RHBDF1: variants seen among roughly 807,000 people sequenced by gnomAD.
The protein encoded by RHBDF1 is rhomboid 5 homolog 1, also known as inactive rhomboid protein 1.
RHBDF1 carries 80 observed loss-of-function variants against 98.6 expected under a neutral mutation model. That is an observed-to-expected ratio of 0.81 (90% CI 0.68 to 0.98). The LOEUF (loss-of-function observed/expected upper bound fraction) is 0.98, where lower values mean the gene tolerates loss of function less well. RHBDF1 is among the 50% of genes least tolerant of loss of function. The pLI, the probability that RHBDF1 is intolerant of heterozygous loss-of-function variation, is 0.00. For synonymous variants in RHBDF1, 512 were observed against 486.8 expected (o/e 1.05, Z -0.68); for missense variants, 1,116 against 1,198.3 (o/e 0.93, Z 1.01).
chr16:63,308 T>G, intron 4 of RHBDF1, 126 bp from the exon 5 acceptor site: 2 of 807,470 alleles, frequency 2.5e-6, no homozygotes, highest in Non-Finnish European at 3.8e-6. Flanking sequence ...TGGACAGCTC[T>G]ATGGCCACCA....
chr16:66,241 A>C (rs144384177), intron 1 of RHBDF1, among the ~76,000 whole-genome samples: 36 of 152,204 alleles, frequency 2.4e-4, no homozygotes, highest in Non-Finnish European at 4.1e-4. Context: ...ACAGGCTCGG[A>C]GCCGCTGGGT....
upstream of RHBDF1, chr16:72,675 C>A (rs995962851): frequency 2.0e-6 from 2 of 980,704 alleles, no homozygotes; most frequent in Non-Finnish European, 2.4e-6. Flanking sequence ...CCGGCCGGAG[C>A]GGGGCGGTCG....
At chr16:60,409 G>A in intron 12 of RHBDF1, 30 bp downstream of exon 12, 1 of 1,605,016 alleles carries the variant, frequency 6.2e-7, no homozygotes, top group Non-Finnish European at 8.5e-7. Flanking sequence ...GTGGACAAAG[G>A]CAGGTGAGAG....
intron 1 of RHBDF1, among the ~76,000 whole-genome samples, chr16:68,366 CAAAG>C (rs904917622): frequency 2.0e-5 from 3 of 152,164 alleles, no homozygotes; most frequent in Non-Finnish European, 2.9e-5. Flanking sequence ...CCAGGCTGGA[CAAAG>C]AGTCTGGCCA....
Position 59,497 on chromosome 16 carries a change from A to G in RHBDF1, c.1818-3T>C. ...ACTCCCGGGAGGTGATCTCACACCT[A>G]GAAAGGCAGGCCAGGGTTCGGAGAC... On this transcript the variant is annotated splice_region_variant and splice_polypyrimidine_tract_variant and intron_variant, in intron 14 of 17. Transcript: ENST00000262316. 1 of 1,612,982 alleles carries G rather than the reference A, an allele frequency of 6.2e-7. No homozygotes were observed. Among genetic ancestry groups the G allele is most frequent in the Non-Finnish European group, 8.5e-7 (1 of 1,179,724 alleles).
At position 58,532 on chromosome 16, in the gene RHBDF1, A is replaced by G; in HGVS notation, c.2376T>C (p.Phe792=). 6.2e-7 allele frequency: 1 copy of G among 1,614,048 alleles called. No homozygotes were observed. The highest frequency in any genetic ancestry group is 2.2e-5 in the East Asian group (1 of 44,890). Residue 792 remains phenylalanine, a synonymous_variant, in exon 18 of 18, where the codon TTT becomes TTC. Coordinates refer to ENST00000262316, the MANE Select transcript of RHBDF1 (RefSeq NM_022450.5). ...GTTTCCGGTACAGGTCGAACTTGCC[A>G]AAGCTGATGTAGGGCAAGAAGGCGA... ...LSFAFLPYIS[F]GKFDLYRKRC...
chr16:67,118 C>T (rs906168290), intron 1 of RHBDF1, among the ~76,000 whole-genome samples: 14 of 152,280 alleles, frequency 9.2e-5, no homozygotes, highest in African/African-American at 2.9e-4. Flanking sequence ...TAAGGAATAG[C>T]CAGGAGGGGC....
At chr16:64,651 A>T (rs1380960472) in intron 3 of RHBDF1, 48 bp downstream of exon 3, 1 of 1,572,486 alleles carries the variant, frequency 6.4e-7, no homozygotes, top group African/African-American at 1.3e-5. Flanking sequence ...CCTCTGCCCC[A>T]CCAGCCCCCA....
In RHBDF1 at chr16:65,052, G is replaced by A. The variant is rs374508258; in HGVS notation, c.-24-13C>T. 5 of 1,494,120 alleles carry A rather than the reference G, an allele frequency of 3.3e-6. No individual in the cohort carries two copies. The highest frequency in any genetic ancestry group is 4.4e-6 in the Non-Finnish European group (5 of 1,125,950). The allele number at this position is 1,494,120 out of a possible 1,614,324, so 92.6% of individuals were successfully genotyped here. On this transcript the variant is annotated splice_polypyrimidine_tract_variant and intron_variant, in intron 1 of 17. Transcript: ENST00000262316. ...GAGCAAGGCAGGCCTGCGGGGCATG[G>A]TGTGTTATTCAATAATGACAAAGCT... is the stretch of plus-strand genomic sequence containing the variant.
Position 72,572 on chromosome 16 carries a change from G to C in RHBDF1, c.-84C>G, listed in dbSNP as rs1885454725. 1.2e-6 allele frequency: 1 copy of C among 833,932 alleles called. No homozygotes were observed. Among genetic ancestry groups the C allele is most frequent in the African/African-American group, 6.1e-5 (1 of 16,412 alleles). 51.7% of individuals were successfully genotyped at this position (833,932 alleles called of 1,614,324 possible). ...CGCCGGGGAGGAGGCTGCCGCCGCT[G>C]GCCGGGAGGGCCCGCGCCGAGTCCC... On this transcript the variant is annotated 5_prime_UTR_variant, in exon 1 of 18. Transcript: ENST00000262316.
chr16:60,503 G>T lies in RHBDF1; in HGVS notation c.1594C>A (p.Pro532Thr), dbSNP rs770881246. The T allele has an allele frequency of 1.2e-6, 2 of 1,611,034 alleles. No homozygotes were observed. Among genetic ancestry groups the T allele is most frequent in the Non-Finnish European group, 1.7e-6 (2 of 1,179,984 alleles). Residue 532 changes from proline (P) to threonine (T), a missense_variant, in exon 12 of 18, where the codon CCC becomes ACC. By Grantham distance (38) the Pro-to-Thr change is conservative. Transcript: ENST00000262316. ...LAVWVKWPIH[P>T]SAPELAGHKR... The stretch of plus-strand genomic sequence containing the variant: ...TGGCCCGCAAGCTCTGGGGCGCTGG[G>T]ATGGATGGGCCACTTCACCCACACT...
At position 70,327 on chromosome 16, in the gene RHBDF1, C is replaced by T. The variant is rs374734683; in HGVS notation, c.-25+2186G>A. Among the ~76,000 whole-genome samples the T allele has an allele frequency of 3.6e-4, 55 of 152,266 alleles. 2 individuals are homozygous for T. The South Asian group carries it at 0.01, about 29-fold the overall frequency. On this transcript the variant is annotated intron_variant, in intron 1 of 17. Coordinates refer to ENST00000262316, the MANE Select transcript of RHBDF1 (RefSeq NM_022450.5). ...TCCCCAGGCTGCAGGTGGGAGAGGC[C>T]CACATCCCCTGCACACGTCTGGCCA... is the stretch of plus-strand genomic sequence containing the variant.
upstream of RHBDF1, among the ~76,000 whole-genome samples, chr16:74,150 C>T (rs1898043849): frequency 6.6e-6 from 1 of 152,182 alleles, no homozygotes; most frequent in South Asian, 2.1e-4. Context: ...CCAGTGCCAA[C>T]ACTCAGTGCT....
rs1387293740 is a variant in RHBDF1, at chr16:58,400, G to C, written c.2508C>G (p.Thr836=). The C allele has an allele frequency of 6.2e-7, 1 of 1,613,814 alleles. No individual in the cohort carries two copies. Among genetic ancestry groups the C allele is most frequent in the East Asian group, 2.2e-5 (1 of 44,890 alleles). ...PVRCEWCEFL[T]CIPFTDKFCE... ...AGAACTTGTCAGTGAAGGGGATGCA[G>C]GTGAGGAACTCACACCACTCACAGC... The change falls in exon 18 of 18, where the codon ACC becomes ACG. Residue 836 remains threonine, a synonymous_variant. Transcript: ENST00000262316.
intron 14 of RHBDF1, 64 bp downstream of exon 14, chr16:59,668 G>T: frequency 6.3e-7 from 1 of 1,580,350 alleles, no homozygotes; most frequent in South Asian, 1.1e-5. Context: ...TTAGGGAGAA[G>T]GCACACCCTA....
chr16:59,084 G>T lies in RHBDF1; in HGVS notation c.2038C>A (p.Leu680Met). 6.2e-7 allele frequency: 1 copy of T among 1,613,628 alleles called. No homozygotes were observed. ...CCTGCCAGCTTCTCCAGGTCCCGCAGGACAGTCATCTGGAAGCAGATGGAC... is the reference window on the plus strand; with the variant it reads ...CCTGCCAGCTTCTCCAGGTCCCGCATGACAGTCATCTGGAAGCAGATGGAC... Reference protein sequence around the residue: ...LVSICFQMTVLRDLEKLAGWH... With the variant: ...LVSICFQMTVMRDLEKLAGWH... The change falls in exon 17 of 18, where the codon CTG becomes ATG. Residue 680 changes from leucine to methionine, a missense_variant. Transcript: ENST00000262316.
At chr16:59,970 T>A in intron 13 of RHBDF1, 144 bp from the exon 14 acceptor site, 1 of 1,495,808 alleles carries the variant, frequency 6.7e-7, no homozygotes, top group East Asian at 2.5e-5. Flanking sequence ...GCCACCACAC[T>A]GAGTCTCTAT....
upstream of RHBDF1, chr16:72,657 G>A (rs1253262647): frequency 1.0e-6 from 1 of 979,866 alleles, no homozygotes; most frequent in Non-Finnish European, 1.2e-6. Context: ...GTGCGCCCGG[G>A]GGCGGGCCCG....
Position 61,388 on chromosome 16 carries a change from G to A in RHBDF1, c.1392C>T (p.Ser464=), listed in dbSNP as rs1255090923. The stretch of plus-strand genomic sequence containing the variant: ...CCGCCCCCAGCCCCGTCCTCACCGA[G>A]CTGGGCCCGATCCAGAAGTTCTCCT... The part of the protein sequence containing the change: ...VQQENFWIGP[S]SEALIHLGAK... Residue 464 remains serine (S), a synonymous_variant, in exon 10 of 18, where the codon AGC becomes AGT. Transcript: ENST00000262316. The A allele has an allele frequency of 6.2e-7, 1 of 1,608,574 alleles. No homozygotes were observed. The highest frequency in any genetic ancestry group is 1.3e-5 in the African/African-American group (1 of 74,970).
Sources: allele counts gnomAD v4.1 joint callset (sites outside exome capture counted in the v4.1 genomes callset), GRCh38; gene constraint gnomAD v4.1.1; transcripts MANE v1.5; gene names NCBI Gene and HGNC (gene_info 2026-07-23, HGNC 2026-07-21).